PTPRZ1: variants seen among roughly 807,000 people sequenced by gnomAD.
PTPRZ1 encodes receptor-type tyrosine-protein phosphatase zeta.
A neutral mutation model predicts 214.1 loss-of-function variants in PTPRZ1; 82 were observed. The ratio of observed to expected loss-of-function variants is 0.38; its 90% CI spans 0.32 to 0.46. The LOEUF is 0.46. Among genes scored for constraint, PTPRZ1 ranks in the 20% least tolerant of loss-of-function variants. The pLI is 1.00. For missense variants in PTPRZ1, 2,603 were observed against 2,748.7 expected, an observed-to-expected ratio of 0.95 and a Z score of 1.19; for synonymous variants, 945 against 987.9, an observed-to-expected ratio of 0.96 and a Z score of 0.81.
intron 10 of PTPRZ1, among the ~76,000 whole-genome samples, chr7:122,000,444 T>C (rs528739069): frequency 2.6e-5 from 4 of 151,824 alleles, no homozygotes; most frequent in African/African-American, 4.8e-5. Flanking sequence ...TTGAGTTTGC[T>C]GCTTATTTCA....
chr7:121,995,995 T>G (rs1030815693), intron 8 of PTPRZ1, among the ~76,000 whole-genome samples: 2 of 152,204 alleles, frequency 1.3e-5, no homozygotes, highest in African/African-American at 4.8e-5. Flanking sequence ...ATGGTTCTTA[T>G]GTTTATAATC....
chr7:121,881,924 A>G lies in PTPRZ1; in HGVS notation c.58+8367A>G, dbSNP rs75911639. Reference sequence around the variant, plus strand: ...TGTTATTTATTTTCTTTCTCCATGCATAATTTGTTAGAACTTGGCTTTTTG... The same window carrying G: ...TGTTATTTATTTTCTTTCTCCATGCGTAATTTGTTAGAACTTGGCTTTTTG... On this transcript the variant is annotated intron_variant, in intron 1 of 29. Transcript: ENST00000393386. 1.9e-3 allele frequency among the ~76,000 whole-genome samples: 284 copies of G among 152,356 alleles called. 2 individuals are homozygous for G. The highest frequency in any genetic ancestry group is 6.7e-3 in the African/African-American group (278 of 41,586).
chr7:121,925,343 C>T (rs1451310020), intron 1 of PTPRZ1, among the ~76,000 whole-genome samples: 1 of 152,006 alleles, frequency 6.6e-6, no homozygotes, highest in Non-Finnish European at 1.5e-5. Flanking sequence ...TATGGAACAA[C>T]CATATTTGAA....
intron 13 of PTPRZ1, chr7:122,028,243 CA>C (rs1467020620): frequency 1.4e-5 from 3 of 213,140 alleles, no homozygotes; most frequent in Non-Finnish European, 2.8e-5. Context: ...ATATGTAGGG[CA>C]TTGAGGTTTC....
chr7:122,037,045 G>A (rs1358216880), intron 18 of PTPRZ1, among the ~76,000 whole-genome samples: 1 of 152,114 alleles, frequency 6.6e-6, no homozygotes, highest in Non-Finnish European at 1.5e-5. Flanking sequence ...GGCTGAGGCA[G>A]GCGGATCACG....
At chr7:121,882,047 C>CT (rs1296261590) in intron 1 of PTPRZ1, among the ~76,000 whole-genome samples, 1 of 152,092 alleles carries the variant, frequency 6.6e-6, no homozygotes, top group Non-Finnish European at 1.5e-5. Context: ...TAGGCTATTT[C>CT]TTTTTACTGT....
chr7:121,889,567 G>A (rs1284623269), intron 1 of PTPRZ1, among the ~76,000 whole-genome samples: 1 of 152,078 alleles, frequency 6.6e-6, no homozygotes, highest in Non-Finnish European at 1.5e-5. Context: ...TTCTTAACAT[G>A]CTATTATTTC....
At chr7:122,056,214 A>G (rs1232549540) in intron 27 of PTPRZ1, among the ~76,000 whole-genome samples, 1 of 151,842 alleles carries the variant, frequency 6.6e-6, no homozygotes, top group African/African-American at 2.4e-5. Context: ...AATAATCATT[A>G]TATACCTATT....
intron 8 of PTPRZ1, among the ~76,000 whole-genome samples, chr7:121,990,953 C>T (rs1008680427): frequency 1.3e-5 from 2 of 152,210 alleles, no homozygotes; most frequent in African/African-American, 4.8e-5. Flanking sequence ...TGCTTTCATG[C>T]TGCCTTCTTA....
intron 10 of PTPRZ1, 121 bp downstream of exon 10, chr7:121,998,127 A>G: frequency 8.4e-7 from 1 of 1,184,110 alleles, no homozygotes; most frequent in Admixed American, 2.8e-5. Context: ...TTTTCTCTTA[A>G]GTCTGGATTG....
intron 23 of PTPRZ1, among the ~76,000 whole-genome samples, chr7:122,047,575 G>A (rs917531705): frequency 2.6e-5 from 4 of 151,982 alleles, no homozygotes; most frequent in South Asian, 2.1e-4. Flanking sequence ...AGTACTCTAC[G>A]GTTTCTATTA....
At chr7:121,895,022 CAG>C (rs1426064265) in intron 1 of PTPRZ1, among the ~76,000 whole-genome samples, 2 of 152,190 alleles carry the variant, frequency 1.3e-5, no homozygotes, top group East Asian at 3.9e-4. Flanking sequence ...GAAGAGAAGA[CAG>C]AAGGAAAATG....
chr7:121,882,520 TG>T (rs2116169378), intron 1 of PTPRZ1, among the ~76,000 whole-genome samples: 1 of 152,128 alleles, frequency 6.6e-6, no homozygotes, highest in South Asian at 2.1e-4. Context: ...GAGGGGACAG[TG>T]GGGAGAGGAG....
rs1452483552 is a variant in PTPRZ1 at position 122,019,174 on chromosome 7, G to A, written c.4894G>A (p.Glu1632Lys). 103 of 1,611,858 alleles carry A rather than the reference G, an allele frequency of 6.4e-5. No homozygotes were observed. Among genetic ancestry groups the A allele is most frequent in the Non-Finnish European group, 8.3e-5 (98 of 1,178,166 alleles). ...ESRIGLAEGL[E>K]SEKKAVIPLV... Reference sequence around the variant, plus strand: ...TCGTATTGGTCTAGCTGAGGGGTTGGAATCCGAGAAGAAGGCAGTTATACC... The same window carrying A: ...TCGTATTGGTCTAGCTGAGGGGTTGAAATCCGAGAAGAAGGCAGTTATACC... Residue 1632 changes from glutamate to lysine, a missense_variant, in exon 13 of 30, where the codon GAA (glutamate) becomes AAA (lysine). Coordinates refer to ENST00000393386, the MANE Select transcript of PTPRZ1 (RefSeq NM_002851.3).
chr7:121,902,241 A>AATT (rs1794983219), intron 1 of PTPRZ1, among the ~76,000 whole-genome samples: 1 of 152,186 alleles, frequency 6.6e-6, no homozygotes, highest in African/African-American at 2.4e-5. Flanking sequence ...TTTAAAATTC[A>AATT]TTTATCCATT....
chr7:121,956,467 T>C (rs1162146457), intron 2 of PTPRZ1, among the ~76,000 whole-genome samples: 1 of 152,152 alleles, frequency 6.6e-6, no homozygotes, highest in Non-Finnish European at 1.5e-5. Context: ...TGAGTGAGGG[T>C]TGACATTTCA....
intron 1 of PTPRZ1, chr7:121,908,412 T>A: frequency 2.6e-6 from 1 of 379,476 alleles, no homozygotes; most frequent in Non-Finnish European, 5.1e-6. Context: ...TTTTATCCTA[T>A]TTTTTCTCTT....
intron 13 of PTPRZ1, among the ~76,000 whole-genome samples, chr7:122,023,718 ATATAT>A (rs1584753159): frequency 7.5e-6 from 1 of 132,540 alleles, no homozygotes; most frequent in African/African-American, 2.9e-5. Context: ...ATATAATTAT[ATATAT>A]TATATGTATA....
intron 1 of PTPRZ1, among the ~76,000 whole-genome samples, chr7:121,889,910 G>A (rs1005591282): frequency 3.3e-5 from 5 of 152,068 alleles, no homozygotes; most frequent in Non-Finnish European, 7.4e-5. Flanking sequence ...TGACTTCCGG[G>A]ATGCCATACT....
Sources: allele counts gnomAD v4.1 joint callset (sites outside exome capture counted in the v4.1 genomes callset), GRCh38; gene constraint gnomAD v4.1.1; transcripts MANE v1.5; gene names NCBI Gene and HGNC (gene_info 2026-07-23, HGNC 2026-07-21).